The following COMT variants were observed in gnomAD, a reference collection of about 807,000 sequenced individuals.
COMT encodes catechol-O-methyltransferase, also known as catechol O-methyltransferase.
COMT carries 13 observed loss-of-function variants against 18.9 expected under a neutral mutation model. That is an observed-to-expected ratio of 0.69 (90% CI 0.45 to 1.09). The LOEUF is 1.09. COMT is among the 50% of genes least tolerant of loss of function. COMT has a pLI of 0.00. For synonymous variants in COMT, 150 were observed against 160.9 expected (o/e 0.93, Z 0.51); for missense variants, 329 against 361.8 (o/e 0.91, Z 0.73).
chr22:19,950,107 A>G (rs920004169), intron 1 of COMT, among the ~76,000 whole-genome samples: 1 of 152,134 alleles, frequency 6.6e-6, no homozygotes, highest in African/African-American at 2.4e-5. Context: ...GTTACTGAAA[A>G]CATCTTGTAA....
intron 5 of COMT, chr22:19,967,364 T>A: frequency 1.9e-6 from 1 of 517,892 alleles, no homozygotes; most frequent in African/African-American, 2.0e-5. Flanking sequence ...CGCTTTGTTC[T>A]ACGTCTTTTC....
At chr22:19,962,899 C>T (rs530456300) in intron 3 of COMT, 84 bp downstream of exon 3, 2 of 1,499,708 alleles carry the variant, frequency 1.3e-6, no homozygotes, top group African/African-American at 2.8e-5. Flanking sequence ...AAGCTGTTAT[C>T]ACCCCATTTC....
At position 19,963,579 on chromosome 22, in the gene COMT, C is replaced by T. The variant is rs778495598; in HGVS notation, c.303C>T (p.Asp101=). The T allele has an allele frequency of 4.1e-5, 66 of 1,612,366 alleles. No individual in the cohort carries two copies. The highest frequency in any genetic ancestry group is 4.9e-5 in the Non-Finnish European group (58 of 1,180,002). Residue 101 remains aspartate, a synonymous_variant, in exon 4 of 6, where the codon GAC becomes GAT. Transcript: ENST00000361682. ...NVGDKKGKIV[D]AVIQEHQPSV... The stretch of plus-strand genomic sequence containing the variant: ...AACCCTGCACAGGCAAGATCGTGGA[C>T]GCCGTGATTCAGGAGCACCAGCCCT...
chr22:19,944,881 G>C (rs544004122), intron 1 of COMT, among the ~76,000 whole-genome samples: 5 of 152,312 alleles, frequency 3.3e-5, no homozygotes, highest in Non-Finnish European at 7.4e-5. Flanking sequence ...ACTAGGATCT[G>C]ATAACTCCCA....
At position 19,962,905 on chromosome 22, in the gene COMT, A is replaced by G. The variant is rs2239393; in HGVS notation, c.289+90A>G. On this transcript the variant is annotated intron_variant, in intron 3 of 5. Coordinates refer to ENST00000361682, the MANE Select transcript of COMT (RefSeq NM_000754.4). ...TTACAGGAGAAGCTGTTATCACCCC[A>G]TTTCCAGGGGGCTGGGAACCCTGGG... is the stretch of plus-strand genomic sequence containing the variant. 0.39 allele frequency: 577,940 copies of G among 1,468,990 alleles called. 114,894 individuals are homozygous for G. Among genetic ancestry groups the G allele is most frequent in the Middle Eastern group, 0.42 (1,909 of 4,582 alleles). The allele number at this position is 1,468,990 out of a possible 1,614,324, so 91.0% of individuals were successfully genotyped here.
intron 1 of COMT, among the ~76,000 whole-genome samples, chr22:19,955,347 C>T (rs1243649045): frequency 2.0e-5 from 3 of 152,226 alleles, no homozygotes; most frequent in Non-Finnish European, 4.4e-5. Context: ...GCTGCCCAAG[C>T]GTGTGGCCTA....
At chr22:19,959,289 C>G (rs1942135558) in intron 1 of COMT, among the ~76,000 whole-genome samples, 1 of 152,252 alleles carries the variant, frequency 6.6e-6, no homozygotes, top group Admixed American at 6.5e-5. Flanking sequence ...CAGGACCCGC[C>G]CTCCATTTTC....
intron 5 of COMT, chr22:19,967,736 C>T (rs1028650684): frequency 2.6e-5 from 7 of 267,006 alleles, no homozygotes; most frequent in African/African-American, 1.1e-4. Flanking sequence ...GTCAAATTTC[C>T]AAGACAAGGT....
At chr22:19,950,941 C>T (rs2146135640) in intron 1 of COMT, 1 of 152,306 alleles carries the variant, frequency 6.6e-6, no homozygotes, top group African/African-American at 2.4e-5. Flanking sequence ...AAGACGCTCC[C>T]ACGGGAGGAG....
At position 19,968,925 on chromosome 22, in the gene COMT, A is replaced by G. The variant is rs987233753; in HGVS notation, c.*189A>G. The G allele has an allele frequency of 1.7e-5, 10 of 600,358 alleles. No homozygotes were observed. Among genetic ancestry groups the G allele is most frequent in the African/African-American group, 1.7e-4 (9 of 54,298 alleles). The allele number at this position is 600,358 out of a possible 1,614,324, so 37.2% of individuals were successfully genotyped here. A position where few individuals can be genotyped will look rare whatever the true frequency, so the allele number is the denominator to read the frequency against. ...CTGGATTGTTCTTTTTTAAGACTCAATCATGACTTCTTTACTAACACTGGC... is the reference window on the plus strand; with the variant it reads ...CTGGATTGTTCTTTTTTAAGACTCAGTCATGACTTCTTTACTAACACTGGC... On this transcript the variant is annotated 3_prime_UTR_variant, in exon 6 of 6. Coordinates refer to ENST00000361682, the MANE Select transcript of COMT (RefSeq NM_000754.4).
rs186490911 is a variant in COMT, at chr22:19,969,774, G to T, written c.*1038G>T. On this transcript the variant is annotated 3_prime_UTR_variant, in exon 6 of 6. Coordinates refer to ENST00000361682, the MANE Select transcript of COMT (RefSeq NM_000754.4). ...AGGGACCAGAAACAGAGCCTCTGCAGGACACAGCAGATGGGCACCTGGGAC... is the reference window on the plus strand; with the variant it reads ...AGGGACCAGAAACAGAGCCTCTGCATGACACAGCAGATGGGCACCTGGGAC... 3.0e-4 allele frequency: 283 copies of T among 934,790 alleles called. No homozygotes were observed. In the African/African-American group the frequency reaches 4.8e-3, roughly 16 times the overall value. 57.9% of individuals were successfully genotyped at this position (934,790 alleles called of 1,614,324 possible).
At chr22:19,945,832 ATT>A (rs1384286676) in intron 1 of COMT, among the ~76,000 whole-genome samples, 1 of 151,996 alleles carries the variant, frequency 6.6e-6, no homozygotes, top group Admixed American at 6.6e-5. Flanking sequence ...CGCCCGGCTA[ATT>A]TTTTGTGTTT....
At chr22:19,956,136 TC>T (rs1942054225) in intron 1 of COMT, among the ~76,000 whole-genome samples, 1 of 112,174 alleles carries the variant, frequency 8.9e-6, no homozygotes, top group African/African-American at 3.4e-5. Context: ...TTTCTTTTTT[TC>T]TTTTTTTTTT....
intron 5 of COMT, among the ~76,000 whole-genome samples, chr22:19,967,871 T>C (rs1942505656): frequency 6.6e-6 from 1 of 152,252 alleles, no homozygotes. Flanking sequence ...AAGCATCCTA[T>C]GAGGTTTCTC....
At chr22:19,960,579 C>T (rs546361798) in intron 1 of COMT, among the ~76,000 whole-genome samples, 4 of 152,226 alleles carry the variant, frequency 2.6e-5, no homozygotes, top group Non-Finnish European at 5.9e-5. Context: ...CAGTGGGCCA[C>T]GGGTTTCCCT....
At chr22:19,955,864 A>G (rs897073725) in intron 1 of COMT, among the ~76,000 whole-genome samples, 2 of 152,220 alleles carry the variant, frequency 1.3e-5, no homozygotes, top group South Asian at 4.1e-4. Context: ...TGGAGAACGG[A>G]GGATGCACAG....
intron 1 of COMT, 41 bp downstream of exon 1, chr22:19,941,938 T>G: frequency 5.4e-6 from 5 of 919,748 alleles, no homozygotes; most frequent in Non-Finnish European, 7.4e-6. Context: ...GCGGCCGGAT[T>G]CGGGGCGGGG....
At chr22:19,968,108 G>C (rs545120429) in intron 5 of COMT, among the ~76,000 whole-genome samples, 1 of 152,302 alleles carries the variant, frequency 6.6e-6, no homozygotes, top group Admixed American at 6.5e-5. Flanking sequence ...GGGTCACCCT[G>C]GTCAGGCCAA....
chr22:19,962,783 AGG>A lies in COMT; in HGVS notation c.258_259del (p.Glu87ValfsTer94), dbSNP rs757034165. 6.2e-7 allele frequency: 1 copy of A among 1,608,156 alleles called. No homozygotes were observed. The highest frequency in any genetic ancestry group is 1.1e-5 in the South Asian group (1 of 91,022). ...GCCATTGACACCTACTGCGAGCAGA[AGG>A]AGTGGGCCATGAACGTGGGCGACAA... On this transcript the variant is annotated frameshift_variant, in exon 3 of 6. Transcript: ENST00000361682. LOFTEE classifies it high-confidence loss of function.
Sources: gnomAD v4.1 joint callset for allele counts (sites outside exome capture counted in the v4.1 genomes callset) on GRCh38, gnomAD v4.1.1 for gene constraint, MANE v1.5 for transcripts, NCBI Gene and HGNC (gene_info 2026-07-23, HGNC 2026-07-21) for gene names.